ENTREP1: variants seen among roughly 807,000 people sequenced by gnomAD.
ENTREP1 encodes endosomal transmembrane epsin interactor 1.
chr9:69,380,212 A>G, the ENTREP1 span: 1 of 152,370 alleles, frequency 6.6e-6, no homozygotes, highest in African/African-American at 2.4e-5. Flanking sequence ...ATCAGAGTGC[A>G]GTCCACTTTC....
chr9:69,390,967 A>G, the ENTREP1 span, among the ~76,000 whole-genome samples: 1 of 126,344 alleles, frequency 7.9e-6, no homozygotes, highest in Admixed American at 8.4e-5. Flanking sequence ...TTTTTTTTGT[A>G]GAGATGGAGT....
the ENTREP1 span, among the ~76,000 whole-genome samples, chr9:69,334,775 C>CTTTTTTT: frequency 6.9e-5 from 9 of 130,596 alleles, no homozygotes; most frequent in African/African-American, 8.5e-5. Context: ...CTTTCCTTTT[C>CTTTTTTT]TTTTTTTTTT....
At chr9:69,387,921 G>A in the ENTREP1 span, 2 of 1,465,422 alleles carry the variant, frequency 1.4e-6, no homozygotes, top group East Asian at 2.9e-5. Flanking sequence ...TACCTTGGGG[G>A]TGGTGTCGTA....
chr9:69,332,289 C>T, the ENTREP1 span, among the ~76,000 whole-genome samples: 9,793 of 152,242 alleles, frequency 0.064, 1,021 homozygotes, highest in African/African-American at 0.22. Context: ...TGAAGAGCTG[C>T]AACTATAGCT....
the ENTREP1 span, among the ~76,000 whole-genome samples, chr9:69,351,637 A>C: frequency 6.6e-6 from 1 of 152,054 alleles, no homozygotes; most frequent in Non-Finnish European, 1.5e-5. Context: ...GGCTGGTCTC[A>C]AACTCCTGAC....
At chr9:69,377,627 C>T in the ENTREP1 span, 6 of 1,613,944 alleles carry the variant, frequency 3.7e-6, no homozygotes, top group Non-Finnish European at 5.1e-6. Context: ...TCCCAGATTT[C>T]TGCTGAAGAA....
the ENTREP1 span, among the ~76,000 whole-genome samples, chr9:69,359,356 C>T: frequency 2.0e-5 from 3 of 152,148 alleles, no homozygotes; most frequent in Non-Finnish European, 4.4e-5. Context: ...GGCTTTGTGT[C>T]CCCACCCAAA....
chr9:69,392,042 C>T, the ENTREP1 span: 1 of 564,560 alleles, frequency 1.8e-6, no homozygotes, highest in Admixed American at 3.1e-5. Context: ...TGATCCTCTT[C>T]TTCCTCTGCT....
At chr9:69,335,314 T>A in the ENTREP1 span, among the ~76,000 whole-genome samples, 1 of 152,184 alleles carries the variant, frequency 6.6e-6, no homozygotes, top group Non-Finnish European at 1.5e-5. Flanking sequence ...AAGAAATGTG[T>A]GCAGAGGGCT....
At chr9:69,386,572 A>G in the ENTREP1 span, 6 of 152,236 alleles carry the variant, frequency 3.9e-5, no homozygotes, top group Non-Finnish European at 8.8e-5. Flanking sequence ...ATTATAAAAA[A>G]TAAAGAAACT....
At chr9:69,375,983 C>A in the ENTREP1 span, 1 of 1,056,598 alleles carries the variant, frequency 9.5e-7, no homozygotes, top group Non-Finnish European at 1.3e-6. Flanking sequence ...CTGCTGAAAG[C>A]GCATGTGAGT....
At chr9:69,364,283 G>GC in the ENTREP1 span, among the ~76,000 whole-genome samples, 1 of 152,062 alleles carries the variant, frequency 6.6e-6, no homozygotes, top group Non-Finnish European at 1.5e-5. Context: ...CACAGAATTG[G>GC]CCTAAGATAT....
At chr9:69,325,185 C>A in the ENTREP1 span, 1 of 1,029,958 alleles carries the variant, frequency 9.7e-7, no homozygotes, top group Non-Finnish European at 1.2e-6. Context: ...GCATTTCCTT[C>A]CCTCCCCCTC....
chr9:69,357,220 T>C, the ENTREP1 span, among the ~76,000 whole-genome samples: 5 of 152,018 alleles, frequency 3.3e-5, no homozygotes, highest in Non-Finnish European at 5.9e-5. Flanking sequence ...GGCTTGAAAG[T>C]GCCCTTGAGA....
the ENTREP1 span, among the ~76,000 whole-genome samples, chr9:69,365,440 A>G: frequency 1.3e-5 from 2 of 152,198 alleles, no homozygotes; most frequent in East Asian, 1.9e-4. Flanking sequence ...ATGGATAGCA[A>G]CAAAATAATG....
the ENTREP1 span, among the ~76,000 whole-genome samples, chr9:69,354,392 G>A: frequency 6.6e-6 from 1 of 151,388 alleles, no homozygotes; most frequent in African/African-American, 2.4e-5. Flanking sequence ...TGAGTAGCTG[G>A]GATTACAGGT....
chr9:69,335,615 G>A, the ENTREP1 span, among the ~76,000 whole-genome samples: 26 of 152,106 alleles, frequency 1.7e-4, no homozygotes, highest in African/African-American at 5.1e-4. Context: ...TTCCCATTTC[G>A]AAGACTTTAC....
At chr9:69,367,939 A>G in the ENTREP1 span, among the ~76,000 whole-genome samples, 2 of 148,538 alleles carry the variant, frequency 1.3e-5, no homozygotes, top group African/African-American at 4.9e-5. Flanking sequence ...ACACGTACAT[A>G]TATGTATATT....
At chr9:69,327,634 G>GAAAAGAAA in the ENTREP1 span, among the ~76,000 whole-genome samples, 100 of 150,544 alleles carry the variant, frequency 6.6e-4, no homozygotes, top group African/African-American at 2.2e-3. Context: ...GAAAAGAAAA[G>GAAAAGAAA]AAAAAAAAAG....
Sources: gnomAD v4.1 joint callset for allele counts (sites outside exome capture counted in the v4.1 genomes callset) on GRCh38, gnomAD v4.1.1 for gene constraint, MANE v1.5 for transcripts, NCBI Gene and HGNC (gene_info 2026-07-23, HGNC 2026-07-21) for gene names.